ARAP2: variants seen among roughly 807,000 people sequenced by gnomAD.
The protein encoded by ARAP2 is ArfGAP with RhoGAP domain, ankyrin repeat and PH domain 2.
ARAP2 carries 148 observed loss-of-function variants against 194.5 expected under a neutral mutation model. The ratio of observed to expected loss-of-function variants is 0.76; its 90% CI spans 0.67 to 0.87. The LOEUF (loss-of-function observed/expected upper bound fraction) is 0.87. Among genes scored for constraint, ARAP2 ranks in the 40% least tolerant of loss-of-function variants. The pLI, the probability that ARAP2 is intolerant of heterozygous loss-of-function variation, is 0.00. For missense variants in ARAP2, 2,128 were observed against 1,989.7 expected (o/e 1.07, Z -1.32); for synonymous variants, 695 against 683.5 (o/e 1.02, Z -0.26).
In ARAP2 at chr4:36,150,906, T is replaced by C; in HGVS notation, c.2891A>G (p.Asn964Ser). ...TGTGTAATGACAGACCTACCCAGTA[T>C]TTAAATAGAAGTCCTCTTTGTGTAT... ...LAIHKEDFYL[N>S]TGPIFIFEIY... Residue 964 changes from asparagine (N) to serine (S), a missense_variant, in exon 16 of 33, where the codon AAT becomes AGT. Physicochemically the swap from Asn to Ser is conservative, Grantham distance 46. Transcript: ENST00000303965. The C allele has an allele frequency of 1.2e-6, 2 of 1,611,850 alleles. No homozygotes were observed. The highest frequency in any genetic ancestry group is 1.1e-5 in the South Asian group (1 of 90,340).
intron 1 of ARAP2, among the ~76,000 whole-genome samples, chr4:36,233,293 A>G (rs749010517): frequency 1.1e-4 from 16 of 152,132 alleles, no homozygotes; most frequent in Admixed American, 9.2e-4. Flanking sequence ...TTGACCTCCA[A>G]TTGCAGTCTA....
chr4:36,016,722 T>C (rs1228035747), intron 6 of ARAP2, among the ~76,000 whole-genome samples: 2 of 152,180 alleles, frequency 1.3e-5, no homozygotes, highest in African/African-American at 2.4e-5. Context: ...GTTAAAAATA[T>C]ATTATTTCTC....
chr4:36,048,208 TATTA>T (rs1722127480), intron 3 of ARAP2, among the ~76,000 whole-genome samples: 1 of 152,256 alleles, frequency 6.6e-6, no homozygotes, highest in South Asian at 2.1e-4. Context: ...CCGAACTCTT[TATTA>T]TTTTTATTCT....
intron 1 of ARAP2, among the ~76,000 whole-genome samples, chr4:36,233,902 C>T (rs558460860): frequency 1.1e-4 from 16 of 152,338 alleles, no homozygotes; most frequent in Non-Finnish European, 1.3e-4. Context: ...TCCTCTTCTC[C>T]GTATTCCTAC....
At chr4:36,162,084 G>A (rs1447769761) in intron 11 of ARAP2, among the ~76,000 whole-genome samples, 1 of 147,376 alleles carries the variant, frequency 6.8e-6, no homozygotes, top group Non-Finnish European at 1.5e-5. Flanking sequence ...CTCCAGCCTG[G>A]GCGACAGAGC....
At chr4:36,242,483 A>C (rs1354080908) in intron 1 of ARAP2, among the ~76,000 whole-genome samples, 1 of 152,164 alleles carries the variant, frequency 6.6e-6, no homozygotes. Context: ...ACAACAAAAA[A>C]CTTCTCATAT....
At chr4:36,135,786 T>A (rs1726565411) in intron 19 of ARAP2, among the ~76,000 whole-genome samples, 2 of 151,804 alleles carry the variant, frequency 1.3e-5, no homozygotes, top group South Asian at 4.1e-4. Flanking sequence ...TTACATAATT[T>A]ATCTAATAAT....
At chr4:36,147,111 T>C (rs951722193) in intron 19 of ARAP2, among the ~76,000 whole-genome samples, 185 bp downstream of exon 19, 18 of 152,182 alleles carry the variant, frequency 1.2e-4, no homozygotes, top group African/African-American at 3.9e-4. Flanking sequence ...TATAAAGATA[T>C]GTAAATATCA....
intron 6 of ARAP2, among the ~76,000 whole-genome samples, chr4:36,210,095 A>G (rs571399499): frequency 6.6e-6 from 1 of 152,316 alleles, no homozygotes; most frequent in East Asian, 1.9e-4. Context: ...GACACAGATT[A>G]GCACATTTTG....
In ARAP2 at chr4:36,213,303, A is replaced by G; in HGVS notation, c.981T>C (p.Asn327=). 2.5e-6 allele frequency: 4 copies of G among 1,606,426 alleles called. No homozygotes were observed. Among genetic ancestry groups the G allele is most frequent in the Non-Finnish European group, 3.4e-6 (4 of 1,173,584 alleles). ...SVAWQNSNEE[N]SSSIFPYGET... ...CTCCATAAGGAAAGATGGAAGATGA[A>G]TTCTCCTCATTTGAATCTTTTAGGG... Residue 327 remains asparagine, a synonymous_variant, in exon 4 of 33, where the codon AAT becomes AAC. Coordinates refer to ENST00000303965, the MANE Select transcript of ARAP2 (RefSeq NM_015230.4).
intron 12 of ARAP2, among the ~76,000 whole-genome samples, chr4:36,161,164 C>A (rs60797642): frequency 1.5e-5 from 1 of 66,544 alleles, no homozygotes; most frequent in Admixed American, 1.5e-4. Context: ...CACACACACA[C>A]ACACACACAC....
intron 6 of ARAP2, among the ~76,000 whole-genome samples, chr4:36,017,890 C>CT (rs1450973183): frequency 6.6e-6 from 1 of 151,918 alleles, no homozygotes; most frequent in African/African-American, 2.4e-5. Context: ...ATGACAGTGA[C>CT]TGGAAATAAT....
chr4:36,160,695 A>T (rs941607810), intron 12 of ARAP2, 54 bp from the exon 13 acceptor site: 7 of 1,288,666 alleles, frequency 5.4e-6, no homozygotes, highest in Non-Finnish European at 7.0e-6. Context: ...AATATATTTG[A>T]ATCTGCAGGA....
intron 5 of ARAP2, among the ~76,000 whole-genome samples, chr4:36,034,058 T>C (rs1383512897): frequency 6.6e-6 from 1 of 152,180 alleles, no homozygotes; most frequent in African/African-American, 2.4e-5. Flanking sequence ...AGCAATGTAG[T>C]ATAGTTTGAA....
intron 2 of ARAP2, among the ~76,000 whole-genome samples, chr4:36,218,441 A>T (rs192032133): frequency 9.3e-5 from 14 of 150,430 alleles, no homozygotes; most frequent in Middle Eastern, 3.4e-3. Context: ...CTAAAATATT[A>T]AAAAAAAAAC....
intron 2 of ARAP2, among the ~76,000 whole-genome samples, chr4:36,056,911 TATC>T (rs10555372): frequency 0.26 from 38,868 of 151,848 alleles, 5,559 homozygotes; most frequent in Non-Finnish European, 0.33. Flanking sequence ...CAAGACATTA[TATC>T]ATCATTTAGT....
At chr4:36,218,362 T>C (rs1048606543) in intron 2 of ARAP2, among the ~76,000 whole-genome samples, 4 of 152,090 alleles carry the variant, frequency 2.6e-5, no homozygotes, top group African/African-American at 7.2e-5. Context: ...AAAATAAGTA[T>C]TGGGTACTAG....
At chr4:36,166,575 G>A (rs993550801) in intron 10 of ARAP2, among the ~76,000 whole-genome samples, 1 of 151,324 alleles carries the variant, frequency 6.6e-6, no homozygotes, top group African/African-American at 2.4e-5. Flanking sequence ...GCTAAAAGAA[G>A]ATAAATAGCA....
chr4:36,043,808 GGGAAGGGAAGGGAA>G, intron 5 of ARAP2, among the ~76,000 whole-genome samples: 2 of 25,860 alleles, frequency 7.7e-5, no homozygotes, highest in East Asian at 1.5e-3. Context: ...GGGAAGGGAA[GGGAAGGGAAGGGAA>G]GGGAAGGGGA....
Sources: gnomAD v4.1 joint callset for allele counts (sites outside exome capture counted in the v4.1 genomes callset) on GRCh38, gnomAD v4.1.1 for gene constraint, MANE v1.5 for transcripts, NCBI Gene and HGNC (gene_info 2026-07-23, HGNC 2026-07-21) for gene names.